The following BNC2 variants were observed in gnomAD, a reference collection of about 807,000 sequenced individuals.
BNC2 encodes the protein basonuclin zinc finger protein 2, also known as zinc finger protein basonuclin-2.
A neutral mutation model predicts 76.3 loss-of-function variants in BNC2; 20 were observed. That is an observed-to-expected ratio of 0.26 (90% CI 0.18 to 0.38). BNC2 has a LOEUF of 0.38. Among genes scored for constraint, BNC2 ranks in the 10% least tolerant of loss-of-function variants. The pLI is 1.00. For missense variants in BNC2, 1,382 were observed against 1,399.8 expected (o/e 0.99, Z 0.20); for synonymous variants, 582 against 514.8 (o/e 1.13, Z -1.77).
chr9:16,473,716 T>C (rs1821871436), intron 5 of BNC2, among the ~76,000 whole-genome samples: 1 of 151,756 alleles, frequency 6.6e-6, no homozygotes, highest in African/African-American at 2.4e-5. Flanking sequence ...CTACTAAAAT[T>C]ACAAAAATTA....
chr9:16,512,848 A>C (rs1420536944), intron 5 of BNC2, among the ~76,000 whole-genome samples: 3 of 127,532 alleles, frequency 2.4e-5, no homozygotes, highest in African/African-American at 1.5e-4. Context: ...AAAAATAATG[A>C]GATATGGCTG....
At chr9:16,601,871 G>C (rs1587222256) in intron 3 of BNC2, among the ~76,000 whole-genome samples, 1 of 152,040 alleles carries the variant, frequency 6.6e-6, no homozygotes, top group Non-Finnish European at 1.5e-5. Flanking sequence ...CCAGGAGTCT[G>C]GTAATATCTC....
chr9:16,786,869 A>G (rs1233855429), intron 1 of BNC2, among the ~76,000 whole-genome samples: 1 of 152,076 alleles, frequency 6.6e-6, no homozygotes, highest in African/African-American at 2.4e-5. Flanking sequence ...CCCCATCCCA[A>G]AACTCACCCC....
chr9:16,758,115 A>G (rs1405401783), intron 1 of BNC2, among the ~76,000 whole-genome samples: 1 of 152,154 alleles, frequency 6.6e-6, no homozygotes, highest in East Asian at 1.9e-4. Flanking sequence ...CTCAGCTTCT[A>G]TCCGCCACCA....
chr9:16,743,429 A>G (rs113105083), intron 1 of BNC2, among the ~76,000 whole-genome samples: 3 of 152,262 alleles, frequency 2.0e-5, no homozygotes, highest in African/African-American at 7.2e-5. Context: ...CTTCCATTCT[A>G]GAATGTATTC....
At chr9:16,733,790 A>T (rs1824580290) in intron 2 of BNC2, among the ~76,000 whole-genome samples, 1 of 152,098 alleles carries the variant, frequency 6.6e-6, no homozygotes, top group Non-Finnish European at 1.5e-5. Context: ...AGGCTGAGGC[A>T]AAAGAATCGC....
At chr9:16,688,131 C>T (rs537902050) in intron 3 of BNC2, among the ~76,000 whole-genome samples, 10 of 152,114 alleles carry the variant, frequency 6.6e-5, no homozygotes, top group Non-Finnish European at 1.5e-4. Context: ...GTTCACTGAA[C>T]GGTTCATGGT....
chr9:16,870,138 G>A (rs1470520663), intron 1 of BNC2, among the ~76,000 whole-genome samples: 1 of 152,042 alleles, frequency 6.6e-6, no homozygotes, highest in South Asian at 2.1e-4. Context: ...TGCCGGGCCC[G>A]GGCGGCTGCG....
chr9:16,727,137 G>T (rs1238088844), intron 3 of BNC2: 2 of 153,192 alleles, frequency 1.3e-5, no homozygotes, highest in Admixed American at 6.5e-5. Flanking sequence ...GCGGGCGGGC[G>T]GGAGAGCGGG....
At chr9:16,685,553 C>T (rs1822950770) in intron 3 of BNC2, 1 of 1,304,154 alleles carries the variant, frequency 7.7e-7, no homozygotes. Flanking sequence ...ACCTGGACTT[C>T]CAGCCTGTGG....
chr9:16,855,275 T>C (rs547365617), intron 1 of BNC2, among the ~76,000 whole-genome samples: 16 of 152,308 alleles, frequency 1.1e-4, no homozygotes, highest in Non-Finnish European at 1.8e-4. Context: ...CCATGGACTA[T>C]GGTTAATTCT....
At position 16,727,978 on chromosome 9, in the gene BNC2, T is replaced by C. The variant is rs752619220; in HGVS notation, c.149A>G (p.Asp50Gly). 1.2e-6 allele frequency: 2 copies of C among 1,613,934 alleles called. No individual in the cohort carries two copies. Among genetic ancestry groups the C allele is most frequent in the South Asian group, 1.1e-5 (1 of 91,072 alleles). ...TCTCTGTGTCTCTCTTTCTCTCACA[T>C]CCACTTCTGCCTCTTCTGACTGAAA... ...SQIESEEAEV[D>G]VRERETQRDR... The change falls in exon 3 of 7, where the codon GAT becomes GGT. Residue 50 changes from aspartate to glycine, a missense_variant. Physicochemically the swap from Asp to Gly is moderately conservative, Grantham distance 94 (BLOSUM62 -1). This residue lies in a region of BNC2 where 557 missense variants were observed against 540.9 expected (regional missense o/e 1.03). Transcript: ENST00000380672.
At chr9:16,749,702 A>T (rs200505956) in intron 1 of BNC2, among the ~76,000 whole-genome samples, 1 of 4,498 alleles carries the variant, frequency 2.2e-4, no homozygotes, top group African/African-American at 1.3e-3. Context: ...CCTGTGCTTT[A>T]AAAAAAAAAA....
chr9:16,553,626 C>G (rs902933294), intron 4 of BNC2, among the ~76,000 whole-genome samples: 9 of 152,094 alleles, frequency 5.9e-5, no homozygotes, highest in African/African-American at 1.9e-4. Context: ...GTAGAAAAAG[C>G]TGAGGATGAC....
At chr9:16,834,746 G>A (rs1345127597) in intron 1 of BNC2, among the ~76,000 whole-genome samples, 2 of 152,128 alleles carry the variant, frequency 1.3e-5, no homozygotes, top group Non-Finnish European at 2.9e-5. Context: ...CCAGAGTCTA[G>A]TATAATGTCT....
intron 1 of BNC2, among the ~76,000 whole-genome samples, chr9:16,810,272 C>G (rs562645531): frequency 6.6e-6 from 1 of 152,298 alleles, no homozygotes; most frequent in Non-Finnish European, 1.5e-5. Flanking sequence ...CATATTTTCT[C>G]CCCGTTCATT....
At chr9:16,635,954 G>C (rs1348253467) in intron 3 of BNC2, among the ~76,000 whole-genome samples, 1 of 152,192 alleles carries the variant, frequency 6.6e-6, no homozygotes, top group African/African-American at 2.4e-5. Context: ...GGAATGTGTA[G>C]AACAGGGGAT....
chr9:16,496,574 G>C (rs544469929), intron 5 of BNC2, among the ~76,000 whole-genome samples: 1 of 152,332 alleles, frequency 6.6e-6, no homozygotes, highest in Middle Eastern at 3.4e-3. Context: ...CCTAAGAACA[G>C]ACATCTAAGG....
intron 1 of BNC2, 64 bp downstream of exon 1, chr9:16,870,582 G>T: frequency 6.3e-7 from 1 of 1,589,820 alleles, no homozygotes; most frequent in Non-Finnish European, 8.6e-7. Context: ...GGTGGCGCTC[G>T]GGCGCGGGGG....
Sources: gnomAD v4.1 joint callset for allele counts (sites outside exome capture counted in the v4.1 genomes callset) on GRCh38, gnomAD v4.1.1 for gene constraint, gnomAD v4.1.1 regional missense constraint, MANE v1.5 for transcripts, NCBI Gene and HGNC (gene_info 2026-07-23, HGNC 2026-07-21) for gene names.